The following CENPP variants were observed in gnomAD, a reference collection of about 807,000 sequenced individuals.
The protein encoded by CENPP is centromere protein P.
In CENPP, 24 loss-of-function variants were observed where a neutral mutation model predicts 35.6. The observed-to-expected ratio is 0.67, with a 90% CI of 0.49 to 0.95. The LOEUF (loss-of-function observed/expected upper bound fraction) is 0.95. Among genes scored for constraint, CENPP ranks in the 40% least tolerant of loss-of-function variants. CENPP has a pLI of 0.00. For missense variants in CENPP, 332 were observed against 345.3 expected (o/e 0.96, Z 0.31); for synonymous variants, 120 against 125.5 (o/e 0.96, Z 0.29).
chr9:92,390,587 T>TGTGTGTGTGTGTGTGCGC (rs749697394), intron 5 of CENPP, among the ~76,000 whole-genome samples: 3 of 141,810 alleles, frequency 2.1e-5, no homozygotes, highest in South Asian at 2.3e-4. Context: ...TGTGTGTGTG[T>TGTGTGTGTGTGTGTGCGC]GCGCGCGCGC....
chr9:92,364,698 C>G (rs1397213804), intron 4 of CENPP, among the ~76,000 whole-genome samples: 1 of 152,122 alleles, frequency 6.6e-6, no homozygotes, highest in African/African-American at 2.4e-5. Context: ...ATGTACTTTG[C>G]ATTGTATTAG....
At chr9:92,408,271 C>T (rs911451164) in intron 5 of CENPP, among the ~76,000 whole-genome samples, 3 of 152,072 alleles carry the variant, frequency 2.0e-5, no homozygotes, top group Admixed American at 6.6e-5. Flanking sequence ...CTGCAACCTC[C>T]GCCTCCCGGG....
chr9:92,329,671 G>C (rs2130773077), intron 1 of CENPP, among the ~76,000 whole-genome samples: 1 of 152,164 alleles, frequency 6.6e-6, no homozygotes, highest in African/African-American at 2.4e-5. Flanking sequence ...CCCTCCACCA[G>C]CCAAGTAGTT....
intron 5 of CENPP, among the ~76,000 whole-genome samples, chr9:92,430,139 T>A (rs117091953): frequency 0.035 from 5,374 of 152,268 alleles, 129 homozygotes; most frequent in Middle Eastern, 0.075. Flanking sequence ...ATCTGGTGGA[T>A]TAAAATGGTA....
At chr9:92,488,348 G>C (rs1330774783) in intron 5 of CENPP, among the ~76,000 whole-genome samples, 4 of 152,148 alleles carry the variant, frequency 2.6e-5, no homozygotes, top group Non-Finnish European at 5.9e-5. Context: ...TCACTCTAGT[G>C]AAATATTTAC....
intron 5 of CENPP, among the ~76,000 whole-genome samples, chr9:92,440,058 T>C (rs879664216): frequency 5.9e-5 from 9 of 152,168 alleles, no homozygotes; most frequent in African/African-American, 9.7e-5. Context: ...CATGCTATTT[T>C]GAGTAGCCTG....
chr9:92,586,693 T>C (rs1393165005), intron 5 of CENPP, among the ~76,000 whole-genome samples: 1 of 152,112 alleles, frequency 6.6e-6, no homozygotes, highest in African/African-American at 2.4e-5. Flanking sequence ...GAATCATTTT[T>C]TTTTTTATTT....
chr9:92,412,108 G>A (rs1843461478), intron 5 of CENPP, among the ~76,000 whole-genome samples: 1 of 151,756 alleles, frequency 6.6e-6, no homozygotes, highest in Non-Finnish European at 1.5e-5. Context: ...TATTTTTAGA[G>A]ACGGGGTCTC....
intron 5 of CENPP, chr9:92,515,351 T>G (rs990862361): frequency 1.8e-6 from 2 of 1,120,868 alleles, no homozygotes; most frequent in Non-Finnish European, 2.3e-6. Flanking sequence ...AAATTCTTGC[T>G]TAAAAAGTTT....
intron 5 of CENPP, among the ~76,000 whole-genome samples, chr9:92,396,743 A>AT (rs1000849501): frequency 1.3e-5 from 2 of 151,838 alleles, no homozygotes; most frequent in African/African-American, 4.8e-5. Flanking sequence ...TCTTGGTTAA[A>AT]TTTTTTGTAG....
chr9:92,554,972 C>T (rs955045554), intron 5 of CENPP, among the ~76,000 whole-genome samples: 3 of 151,878 alleles, frequency 2.0e-5, no homozygotes, highest in African/African-American at 7.3e-5. Flanking sequence ...ATTTTAGTAT[C>T]TATGTCCATC....
intron 5 of CENPP, among the ~76,000 whole-genome samples, chr9:92,506,259 A>C (rs562486222): frequency 3.3e-5 from 5 of 152,352 alleles, no homozygotes; most frequent in African/African-American, 1.2e-4. Flanking sequence ...CAGAACAGTG[A>C]ATTCCCATCA....
intron 5 of CENPP, chr9:92,510,155 G>T: frequency 3.6e-6 from 4 of 1,116,648 alleles, no homozygotes; most frequent in Non-Finnish European, 4.9e-6. Flanking sequence ...AGACAGTAAT[G>T]TCCAGGCCAC....
At chr9:92,381,848 A>G (rs1446349955) in intron 5 of CENPP, among the ~76,000 whole-genome samples, 1 of 151,600 alleles carries the variant, frequency 6.6e-6, no homozygotes, top group Non-Finnish European at 1.5e-5. Flanking sequence ...CCAGCAAAGC[A>G]CGAGTACTTC....
intron 5 of CENPP, among the ~76,000 whole-genome samples, chr9:92,511,728 T>C (rs1226399493): frequency 6.6e-6 from 1 of 152,218 alleles, no homozygotes; most frequent in Non-Finnish European, 1.5e-5. Context: ...GATTTTAGCA[T>C]GTTTTCAGTT....
At chr9:92,413,430 A>G (rs1283228104) in intron 5 of CENPP, among the ~76,000 whole-genome samples, 1 of 152,164 alleles carries the variant, frequency 6.6e-6, no homozygotes, top group East Asian at 1.9e-4. Context: ...GATTTCAGCT[A>G]TCCTAGTGAG....
intron 3 of CENPP, among the ~76,000 whole-genome samples, chr9:92,342,480 G>A (rs1402147807): frequency 1.3e-5 from 2 of 152,234 alleles, no homozygotes; most frequent in African/African-American, 4.8e-5. Context: ...GTATGTATGT[G>A]TTTTGGGACT....
At position 92,407,241 on chromosome 9, in the gene CENPP, C is replaced by T. The variant is rs988744793; in HGVS notation, c.564+27382C>T. On this transcript the variant is annotated intron_variant, in intron 5 of 7. Coordinates refer to ENST00000375587, the MANE Select transcript of CENPP (RefSeq NM_001012267.3). ...GATTGATTGAATTCAGCCTCCTGGT[C>T]CACTGATACTACATAACCCAAATCC... 5.3e-5 allele frequency among the ~76,000 whole-genome samples: 8 copies of T among 152,120 alleles called. No individual in the cohort carries two copies. In the East Asian group the frequency reaches 9.6e-4, roughly 18 times the overall value.
chr9:92,589,635 T>C (rs1401902992), intron 5 of CENPP, among the ~76,000 whole-genome samples: 1 of 152,250 alleles, frequency 6.6e-6, no homozygotes, highest in East Asian at 1.9e-4. Flanking sequence ...CTTTACATTT[T>C]TACCTGCACT....
Sources: allele counts gnomAD v4.1 joint callset (sites outside exome capture counted in the v4.1 genomes callset), GRCh38; gene constraint gnomAD v4.1.1; transcripts MANE v1.5; gene names NCBI Gene and HGNC (gene_info 2026-07-23, HGNC 2026-07-21).